The following PDE1C variants were observed in gnomAD, a reference collection of about 807,000 sequenced individuals.
The protein encoded by PDE1C is dual specificity calcium/calmodulin-dependent 3',5'-cyclic nucleotide phosphodiesterase 1C.
Under a neutral mutation model 93.1 loss-of-function variants are expected in PDE1C, and 62 were observed. That is an observed-to-expected ratio of 0.67 (90% CI 0.54 to 0.82). The LOEUF is 0.82. PDE1C is among the 40% of genes least tolerant of loss of function. The pLI is 0.00. For missense variants in PDE1C, 742 were observed against 884.6 expected (o/e 0.84, Z 2.04); for synonymous variants, 325 against 310.1 (o/e 1.05, Z -0.50).
intron 3 of PDE1C, among the ~76,000 whole-genome samples, chr7:32,168,282 A>G (rs961708227): frequency 2.0e-5 from 3 of 152,214 alleles, no homozygotes; most frequent in Non-Finnish European, 4.4e-5. Context: ...CGTTACAACT[A>G]ACAGACCAAA....
chr7:31,801,016 T>TACACC (rs1785946395), intron 16 of PDE1C, among the ~76,000 whole-genome samples: 1 of 150,900 alleles, frequency 6.6e-6, no homozygotes, highest in Non-Finnish European at 1.5e-5. Context: ...TAAGAAAATC[T>TACACC]ACACCACTAA....
In PDE1C at chr7:31,836,491, C is replaced by T. The variant is rs1203054876; in HGVS notation, c.1203+689G>A. On this transcript the variant is annotated intron_variant, in intron 11 of 17. Transcript: ENST00000396191. ...CTGGGATTACAGGCACCCACCACCA[C>T]GCCCGGCTAATTTTTGTATTTTTAG... 2.0e-4 allele frequency among the ~76,000 whole-genome samples: 30 copies of T among 152,060 alleles called. 1 individual carries two copies. The highest frequency in any genetic ancestry group is 1.9e-3 in the Admixed American group (29 of 15,272).
At chr7:32,408,984 G>A (rs1043632213) in intron 1 of PDE1C, among the ~76,000 whole-genome samples, 3 of 152,228 alleles carry the variant, frequency 2.0e-5, no homozygotes, top group Middle Eastern at 3.4e-3. Context: ...TCCTGAAAAA[G>A]AACCAAGCCC....
chr7:31,971,565 C>G (rs1341447569), intron 2 of PDE1C, among the ~76,000 whole-genome samples: 1 of 152,152 alleles, frequency 6.6e-6, no homozygotes, highest in Non-Finnish European at 1.5e-5. Context: ...TACACTGATT[C>G]TTCAGTCTGC....
At chr7:31,922,007 C>T (rs1462363356) in intron 2 of PDE1C, among the ~76,000 whole-genome samples, 1 of 152,044 alleles carries the variant, frequency 6.6e-6, no homozygotes, top group East Asian at 1.9e-4. Context: ...AGTAATTTTC[C>T]AAGGTCAAAC....
intron 2 of PDE1C, among the ~76,000 whole-genome samples, chr7:31,896,538 C>T (rs557133804): frequency 1.3e-5 from 2 of 152,160 alleles, no homozygotes; most frequent in South Asian, 2.1e-4. Flanking sequence ...TATTCACCTC[C>T]GTAGCAGCCA....
chr7:32,012,605 T>C (rs1463483236), intron 2 of PDE1C, among the ~76,000 whole-genome samples: 2 of 152,128 alleles, frequency 1.3e-5, no homozygotes, highest in Non-Finnish European at 2.9e-5. Context: ...TGCCTGGGGA[T>C]AGGCATATGG....
chr7:31,788,281 T>C (rs1317406006), intron 16 of PDE1C: 1 of 152,178 alleles, frequency 6.6e-6, no homozygotes, highest in Non-Finnish European at 1.5e-5. Context: ...AAAATTGACA[T>C]ACTCTTGGTT....
the PDE1C span, among the ~76,000 whole-genome samples, chr7:31,669,071 A>G: frequency 6.6e-6 from 1 of 152,156 alleles, no homozygotes; most frequent in East Asian, 1.9e-4. Context: ...TTTTGAATGT[A>G]ATGAGAAGTC....
At chr7:31,767,417 T>A (rs528047767) in intron 17 of PDE1C, among the ~76,000 whole-genome samples, 3 of 152,230 alleles carry the variant, frequency 2.0e-5, no homozygotes, top group South Asian at 4.1e-4. Context: ...CATTTAAAAG[T>A]GTGCGGCACC....
intron 2 of PDE1C, among the ~76,000 whole-genome samples, chr7:32,044,634 A>G (rs1318363927): frequency 6.6e-6 from 1 of 152,184 alleles, no homozygotes; most frequent in African/African-American, 2.4e-5. Flanking sequence ...GACTGGACCA[A>G]GATCATGGGA....
At chr7:32,300,832 T>G (rs1375096254), upstream of PDE1C, among the ~76,000 whole-genome samples, 1 of 152,058 alleles carries the variant, frequency 6.6e-6, no homozygotes, top group Non-Finnish European at 1.5e-5. Context: ...TAATGTGGGC[T>G]TGGTTTTTTG....
At chr7:31,979,200 G>A (rs1049931014) in intron 2 of PDE1C, among the ~76,000 whole-genome samples, 1 of 152,160 alleles carries the variant, frequency 6.6e-6, no homozygotes, top group African/African-American at 2.4e-5. Context: ...AAATAAAGAA[G>A]TATATGAGGC....
chr7:32,079,336 C>G (rs565898718), intron 3 of PDE1C, among the ~76,000 whole-genome samples: 33 of 152,226 alleles, frequency 2.2e-4, no homozygotes, highest in African/African-American at 7.7e-4. Context: ...AGATGCATCA[C>G]TGTAAAGGTA....
chr7:31,912,211 C>A (rs1206561256), intron 2 of PDE1C, among the ~76,000 whole-genome samples: 1 of 152,120 alleles, frequency 6.6e-6, no homozygotes, highest in South Asian at 2.1e-4. Context: ...AGAGAGAATT[C>A]TACTTCAAAT....
chr7:31,968,526 C>T (rs1810394664), intron 2 of PDE1C, among the ~76,000 whole-genome samples: 1 of 152,014 alleles, frequency 6.6e-6, no homozygotes. Flanking sequence ...TGAAAATGGC[C>T]ATACTGCCCA....
chr7:32,393,222 C>CTTCCATTCAAT lies in PDE1C; in HGVS notation c.310+34589_310+34599dup, dbSNP rs574353824. 1.2e-4 allele frequency among the ~76,000 whole-genome samples: 19 copies of CTTCCATTCAAT among 152,190 alleles called. 1 individual carries two copies. The highest frequency in any genetic ancestry group is 3.4e-3 in the Middle Eastern group (1 of 294). ...AAGGCAAGGATATCCACTCTCATCA[C>CTTCCATTCAAT]TTCCATTCAATGTTGTCATGGAATT... is the stretch of plus-strand genomic sequence containing the variant. On this transcript the variant is annotated intron_variant, in intron 1 of 1. Coordinates refer to the PDE1C transcript ENST00000672256.
intron 3 of PDE1C, among the ~76,000 whole-genome samples, chr7:32,114,952 A>C (rs1298328835): frequency 6.6e-6 from 1 of 152,198 alleles, no homozygotes; most frequent in Non-Finnish European, 1.5e-5. Flanking sequence ...ATTATTAAAA[A>C]GTCAAGAAAC....
chr7:31,676,567 T>C, the PDE1C span, among the ~76,000 whole-genome samples: 6 of 152,108 alleles, frequency 3.9e-5, no homozygotes, highest in African/African-American at 1.4e-4. Context: ...AAATATATGC[T>C]ATATAAGGAA....
Sources: gnomAD v4.1 joint callset for allele counts (sites outside exome capture counted in the v4.1 genomes callset) on GRCh38, gnomAD v4.1.1 for gene constraint, MANE v1.5 for transcripts, NCBI Gene and HGNC (gene_info 2026-07-23, HGNC 2026-07-21) for gene names.